Variants in TEX10 observed in about 807,000 individuals in gnomAD.
TEX10 encodes the protein testis-expressed protein 10.
In TEX10, 24 loss-of-function variants were observed where a neutral mutation model predicts 104.4. That is an observed-to-expected ratio of 0.23 (90% CI 0.17 to 0.32). The LOEUF (loss-of-function observed/expected upper bound fraction) is 0.32. Ranked by LOEUF, TEX10 falls within the 10% of genes least tolerant of loss-of-function variation. TEX10 has a pLI of 1.00. For missense variants in TEX10, 921 were observed against 1,083.9 expected, an observed-to-expected ratio of 0.85 and a Z score of 2.11; for synonymous variants, 396 against 393.4, an observed-to-expected ratio of 1.01 and a Z score of -0.08.
chr9:100,309,583 A>G (rs1834223229), intron 12 of TEX10, among the ~76,000 whole-genome samples: 1 of 152,176 alleles, frequency 6.6e-6, no homozygotes, highest in Non-Finnish European at 1.5e-5. Flanking sequence ...CAGCAGGGAG[A>G]AAGTACTAGG....
chr9:100,348,593 T>C (rs1054902177), intron 2 of TEX10, among the ~76,000 whole-genome samples: 1 of 152,142 alleles, frequency 6.6e-6, no homozygotes, highest in African/African-American at 2.4e-5. Context: ...CATCAAAAAT[T>C]TGACACATCA....
At chr9:100,317,045 T>C (rs1216539046) in intron 11 of TEX10, among the ~76,000 whole-genome samples, 2 of 151,872 alleles carry the variant, frequency 1.3e-5, no homozygotes, top group Non-Finnish European at 2.9e-5. Flanking sequence ...AAGACTGACA[T>C]CGTTAAAATG....
At chr9:100,333,806 C>T (rs1222363831) in intron 5 of TEX10, among the ~76,000 whole-genome samples, 3 of 151,998 alleles carry the variant, frequency 2.0e-5, no homozygotes, top group African/African-American at 7.2e-5. Flanking sequence ...AGTCCCAAAA[C>T]GGACCCATGA....
At chr9:100,332,762 A>G (rs1002184496) in intron 5 of TEX10, among the ~76,000 whole-genome samples, 4 of 151,880 alleles carry the variant, frequency 2.6e-5, no homozygotes, top group Admixed American at 6.6e-5. Flanking sequence ...TGGAGCTTGC[A>G]GTGAGCCGAG....
chr9:100,316,393 C>T (rs1834418319), intron 11 of TEX10, among the ~76,000 whole-genome samples: 1 of 152,044 alleles, frequency 6.6e-6, no homozygotes, highest in Non-Finnish European at 1.5e-5. Context: ...TAAAGGCCAT[C>T]CATATATGAC....
chr9:100,332,405 GCTC>G (rs1392514827), intron 5 of TEX10, among the ~76,000 whole-genome samples: 3 of 152,266 alleles, frequency 2.0e-5, no homozygotes, highest in South Asian at 4.1e-4. Flanking sequence ...AGTTCCTTCT[GCTC>G]CTCCAATAAC....
intron 5 of TEX10, among the ~76,000 whole-genome samples, chr9:100,331,854 G>A (rs1331567628): frequency 6.6e-6 from 1 of 152,160 alleles, no homozygotes; most frequent in Non-Finnish European, 1.5e-5. Context: ...GTATGAACTG[G>A]GAGAAGGAGA....
At position 100,326,406 on chromosome 9, in the gene TEX10, T is replaced by C; in HGVS notation, c.1875A>G (p.Leu625=). Residue 625 remains leucine (L), a synonymous_variant, in exon 9 of 15, where the codon CTA becomes CTG. Coordinates refer to ENST00000374902, the MANE Select transcript of TEX10 (RefSeq NM_017746.4). ...QQRLVQLVYF[L]PSLPADLLSR... is the part of the protein sequence containing the mutation. ...AAAGCAAATCAGCCGGCAGACTGGG[T>C]AGGAAATATACAAGCTGAACCAAAC... 1 of 1,612,134 alleles carries C rather than the reference T, an allele frequency of 6.2e-7. No homozygotes were observed. Among genetic ancestry groups the C allele is most frequent in the Middle Eastern group, 1.6e-4 (1 of 6,062 alleles).
chr9:100,329,237 A>G lies in TEX10; in HGVS notation c.1528T>C (p.Tyr510His). 1 of 1,611,166 alleles carries G rather than the reference A, an allele frequency of 6.2e-7. No homozygotes were observed. The stretch of plus-strand genomic sequence containing the variant: ...GGAAGGATAAGGCCCCTCTGCTGAT[A>G]TAATGTATAAACTGCCTTAATAAGA... Reference protein sequence around the residue: ...ETLIKAVYTLYQQRGLILPVR... With the variant: ...ETLIKAVYTLHQQRGLILPVR... Residue 510 changes from tyrosine to histidine, a missense_variant, in exon 7 of 15, where the codon TAT (tyrosine) becomes CAT (histidine). Physicochemically the swap from Tyr to His is moderately conservative, Grantham distance 83. This residue lies in a region of TEX10 where 753 missense variants were observed against 868.4 expected (regional missense o/e 0.87). Transcript: ENST00000374902.
At chr9:100,334,354 T>C (rs1266506256) in intron 5 of TEX10, among the ~76,000 whole-genome samples, 1 of 152,136 alleles carries the variant, frequency 6.6e-6, no homozygotes, top group African/African-American at 2.4e-5. Flanking sequence ...TAAAATATTA[T>C]TGTCAGTGTG....
At chr9:100,341,518 CCT>C (rs774674385) in intron 4 of TEX10, among the ~76,000 whole-genome samples, 68,970 of 151,938 alleles carry the variant, frequency 0.45, 17,342 homozygotes, top group East Asian at 0.89. Flanking sequence ...CTGGCATCAT[CCT>C]TGACTCCTCT....
chr9:100,334,530 G>T (rs1184727487), intron 5 of TEX10, among the ~76,000 whole-genome samples: 1 of 152,130 alleles, frequency 6.6e-6, no homozygotes, highest in Non-Finnish European at 1.5e-5. Flanking sequence ...GAGCAAAAAG[G>T]TAGTAAATCT....
chr9:100,315,868 A>G (rs926684905), intron 11 of TEX10, among the ~76,000 whole-genome samples: 9 of 152,172 alleles, frequency 5.9e-5, no homozygotes, highest in African/African-American at 1.7e-4. Flanking sequence ...TCTGATTATA[A>G]TATGTCACGA....
At chr9:100,330,375 TAC>T (rs1834827123) in intron 5 of TEX10, among the ~76,000 whole-genome samples, 1 of 152,218 alleles carries the variant, frequency 6.6e-6, no homozygotes, top group Non-Finnish European at 1.5e-5. Flanking sequence ...GTTAAGAAGG[TAC>T]AGAGTGTATA....
At chr9:100,333,894 A>G (rs1160416914) in intron 5 of TEX10, among the ~76,000 whole-genome samples, 1 of 152,206 alleles carries the variant, frequency 6.6e-6, no homozygotes, top group Non-Finnish European at 1.5e-5. Flanking sequence ...GAACGGTGAT[A>G]GAACAACTGG....
intron 12 of TEX10, 141 bp downstream of exon 12, chr9:100,310,158 G>A (rs1055005733): frequency 1.5e-6 from 1 of 684,736 alleles, no homozygotes; most frequent in African/African-American, 1.9e-5. Flanking sequence ...CTCAGTTCTT[G>A]CCAATGCATC....
chr9:100,352,547 G>T, intron 1 of TEX10: 4 of 1,545,548 alleles, frequency 2.6e-6, no homozygotes, highest in Non-Finnish European at 3.5e-6. Context: ...AGGCGAACCC[G>T]CCCAGTCACC....
chr9:100,337,223 T>C (rs1835032534), intron 5 of TEX10, among the ~76,000 whole-genome samples: 1 of 152,202 alleles, frequency 6.6e-6, no homozygotes, highest in Admixed American at 6.5e-5. Context: ...CTCTACCTAT[T>C]TCCTTTACCA....
intron 11 of TEX10, among the ~76,000 whole-genome samples, chr9:100,315,302 A>G (rs1463463729): frequency 2.6e-5 from 4 of 152,082 alleles, no homozygotes; most frequent in Admixed American, 6.5e-5. Flanking sequence ...CTTAAGTCTG[A>G]TGTTTCTTTG....
Sources: allele counts gnomAD v4.1 joint callset (sites outside exome capture counted in the v4.1 genomes callset), GRCh38; gene constraint gnomAD v4.1.1; regional missense constraint gnomAD v4.1.1; transcripts MANE v1.5; gene names NCBI Gene and HGNC (gene_info 2026-07-23, HGNC 2026-07-21).